Variants in SYT1 observed in about 807,000 individuals in gnomAD.
SYT1 encodes synaptotagmin-1.
SYT1 carries 8 observed loss-of-function variants against 44.8 expected under a neutral mutation model. That is an observed-to-expected ratio of 0.18 (90% CI 0.10 to 0.32). The LOEUF (loss-of-function observed/expected upper bound fraction) is 0.32, where lower values mean the gene tolerates loss of function less well. Among genes scored for constraint, SYT1 ranks in the 10% least tolerant of loss-of-function variants. The pLI is 1.00. For missense variants in SYT1, 286 were observed against 509.3 expected, an observed-to-expected ratio of 0.56 and a Z score of 4.22; for synonymous variants, 154 against 188.8, an observed-to-expected ratio of 0.82 and a Z score of 1.51.
chr12:78,995,637 G>C (rs1870325668), intron 2 of SYT1: 1 of 152,200 alleles, frequency 6.6e-6, no homozygotes, highest in Admixed American at 6.5e-5. Context: ...ATCAGTATTA[G>C]AATGATGCAT....
At chr12:79,217,462 C>G in intron 3 of SYT1, 41 bp from the exon 4 acceptor site, 3 of 1,465,424 alleles carry the variant, frequency 2.0e-6, no homozygotes, top group Non-Finnish European at 2.7e-6. Context: ...AGCAGTTAAG[C>G]CATTTTGAAT....
At chr12:79,179,324 A>T (rs1293200208) in intron 3 of SYT1, among the ~76,000 whole-genome samples, 1 of 54,338 alleles carries the variant, frequency 1.8e-5, no homozygotes, top group African/African-American at 8.7e-5. Flanking sequence ...AGATATAGAT[A>T]TAGATATAGA....
At chr12:78,937,763 T>G (rs1482621099) in intron 1 of SYT1, among the ~76,000 whole-genome samples, 1 of 152,204 alleles carries the variant, frequency 6.6e-6, no homozygotes, top group Non-Finnish European at 1.5e-5. Flanking sequence ...TGGAAAATTC[T>G]ATAGTGTGCT....
chr12:79,336,947 A>T (rs1465680514), intron 8 of SYT1, among the ~76,000 whole-genome samples: 4 of 151,946 alleles, frequency 2.6e-5, no homozygotes, highest in Non-Finnish European at 4.4e-5. Flanking sequence ...AAATTTTGGG[A>T]GTACAGCATG....
chr12:79,343,219 T>C (rs917933627), intron 8 of SYT1, among the ~76,000 whole-genome samples: 1 of 152,098 alleles, frequency 6.6e-6, no homozygotes, highest in Non-Finnish European at 1.5e-5. Context: ...AATAAAATGA[T>C]GGAGAGAGAA....
intron 9 of SYT1, among the ~76,000 whole-genome samples, chr12:79,410,476 T>C (rs1024808806): frequency 2.3e-5 from 3 of 129,870 alleles, no homozygotes; most frequent in Non-Finnish European, 4.7e-5. Flanking sequence ...AGATGCAGAC[T>C]TAAAACCATG....
At chr12:79,348,954 AAAAG>A (rs1358171645) in intron 8 of SYT1, among the ~76,000 whole-genome samples, 1 of 146,976 alleles carries the variant, frequency 6.8e-6, no homozygotes, top group East Asian at 1.9e-4. Context: ...AAGAAAGAAA[AAAAG>A]AAAAGAAAGA....
intron 3 of SYT1, among the ~76,000 whole-genome samples, chr12:79,189,623 G>A (rs76330247): frequency 0.014 from 2,060 of 152,186 alleles, 34 homozygotes; most frequent in Middle Eastern, 0.044. Context: ...ATTAACCTAG[G>A]AAAAGCATGG....
chr12:79,173,302 G>A (rs1237267064), intron 3 of SYT1, among the ~76,000 whole-genome samples: 1 of 152,026 alleles, frequency 6.6e-6, no homozygotes, highest in Non-Finnish European at 1.5e-5. Flanking sequence ...GCAGCATGCA[G>A]CCTCTTAGGA....
intron 2 of SYT1, among the ~76,000 whole-genome samples, chr12:79,041,492 T>C (rs1873569763): frequency 6.6e-6 from 1 of 152,074 alleles, no homozygotes; most frequent in African/African-American, 2.4e-5. Context: ...GAGACTTTGC[T>C]GAAGTTGCTT....
rs558129135 is a variant in SYT1 at position 79,216,174 on chromosome 12, G to C, written c.-17-1329G>C. ...TCGAACTCCTGACCTCAAGTGATCC[G>C]CCTGCCTCGGCCTCCCAAAGTGCTG... On this transcript the variant is annotated intron_variant, in intron 3 of 10. Transcript: ENST00000261205. 4.3e-3 allele frequency among the ~76,000 whole-genome samples: 650 copies of C among 151,928 alleles called. 1 individual carries two copies. The highest frequency in any genetic ancestry group is 0.015 in the African/African-American group (618 of 41,426).
intron 9 of SYT1, among the ~76,000 whole-genome samples, chr12:79,439,597 C>A (rs1231292239): frequency 6.6e-6 from 1 of 152,148 alleles, no homozygotes; most frequent in Non-Finnish European, 1.5e-5. Flanking sequence ...TAGATGTTAG[C>A]CCTCTCATAA....
chr12:79,049,507 A>G (rs1400567433), intron 3 of SYT1, among the ~76,000 whole-genome samples: 2 of 152,004 alleles, frequency 1.3e-5, no homozygotes, highest in Non-Finnish European at 1.5e-5. Flanking sequence ...AGTATAATTT[A>G]TCCTTTAAAA....
chr12:79,230,814 C>T (rs142564530), intron 4 of SYT1, among the ~76,000 whole-genome samples: 105 of 152,284 alleles, frequency 6.9e-4, no homozygotes, highest in African/African-American at 2.5e-3. Context: ...CAGCTACATT[C>T]CATTAGCATT....
chr12:79,213,427 G>A (rs1874584284), intron 3 of SYT1, among the ~76,000 whole-genome samples: 1 of 152,134 alleles, frequency 6.6e-6, no homozygotes, highest in African/African-American at 2.4e-5. Context: ...TTAACTGCCT[G>A]GCTTTTACTG....
In SYT1 at chr12:79,288,076, A is replaced by C. The variant is rs189309277; in HGVS notation, c.351+2105A>C. Among the ~76,000 whole-genome samples the C allele has an allele frequency of 8.4e-4, 128 of 152,174 alleles. 1 individual carries two copies. In the East Asian group the frequency reaches 0.024, roughly 28 times the overall value. On this transcript the variant is annotated intron_variant, in intron 5 of 10. Coordinates refer to ENST00000261205, the MANE Select transcript of SYT1 (RefSeq NM_005639.3). ...GTACAATTTGGACAGATGAATATAC[A>C]CTCCAGGGATAAACGTTTATATAAC...
intron 2 of SYT1, among the ~76,000 whole-genome samples, chr12:79,044,617 T>C (rs1873859697): frequency 6.7e-6 from 1 of 149,336 alleles, no homozygotes; most frequent in Non-Finnish European, 1.5e-5. Context: ...TGAAGCCTTC[T>C]TCTCTCAGCT....
intron 3 of SYT1, among the ~76,000 whole-genome samples, chr12:79,192,794 G>T (rs1873210587): frequency 6.6e-6 from 1 of 152,120 alleles, no homozygotes; most frequent in Non-Finnish European, 1.5e-5. Context: ...TAATATGAAT[G>T]AATTATTTAT....
At chr12:79,387,210 A>G (rs1158196034) in intron 9 of SYT1, among the ~76,000 whole-genome samples, 1 of 152,192 alleles carries the variant, frequency 6.6e-6, no homozygotes, top group Admixed American at 6.5e-5. Flanking sequence ...TACCCTTCAT[A>G]AAGGGAATAT....
Sources: gnomAD v4.1 joint callset for allele counts (sites outside exome capture counted in the v4.1 genomes callset) on GRCh38, gnomAD v4.1.1 for gene constraint, MANE v1.5 for transcripts, NCBI Gene and HGNC (gene_info 2026-07-23, HGNC 2026-07-21) for gene names.